CREBBP: variants seen among roughly 807,000 people sequenced by gnomAD.
CREBBP encodes CREB-binding protein.
In CREBBP, 19 loss-of-function variants were observed where a neutral mutation model predicts 265.0. The ratio of observed to expected loss-of-function variants is 0.07; its 90% CI spans 0.05 to 0.11. The LOEUF (loss-of-function observed/expected upper bound fraction) is 0.11. Among genes scored for constraint, CREBBP ranks in the 10% least tolerant of loss-of-function variants. The pLI is 1.00. For missense variants in CREBBP, 2,525 were observed against 3,219.0 expected, an observed-to-expected ratio of 0.78 and a Z score of 5.22; for synonymous variants, 1,457 against 1,223.7, an observed-to-expected ratio of 1.19 and a Z score of -3.98.
At chr16:3,879,023 A>G (rs1458173137) in intron 1 of CREBBP, among the ~76,000 whole-genome samples, 1 of 7,744 alleles carries the variant, frequency 1.3e-4, no homozygotes, top group Non-Finnish European at 3.5e-3. Context: ...TGGAATTCCT[A>G]CATTCCTTAA....
chr16:3,841,028 CT>C (rs1186310488), intron 2 of CREBBP: 3 of 156,516 alleles, frequency 1.9e-5, no homozygotes. Flanking sequence ...TATTCTTGTA[CT>C]TTTTTTTCTT....
At chr16:3,780,386 G>GT (rs2053245642) in intron 8 of CREBBP, among the ~76,000 whole-genome samples, 1 of 152,026 alleles carries the variant, frequency 6.6e-6, no homozygotes, top group Non-Finnish European at 1.5e-5. Context: ...ACAAAATAAG[G>GT]TGAGGCTCTT....
intron 21 of CREBBP, among the ~76,000 whole-genome samples, chr16:3,747,641 G>C (rs1056965391): frequency 6.6e-6 from 1 of 152,166 alleles, no homozygotes; most frequent in African/African-American, 2.4e-5. Context: ...CCTACTACTT[G>C]AATGTAATAT....
At chr16:3,824,707 C>T (rs1421313740) in intron 2 of CREBBP, among the ~76,000 whole-genome samples, 1 of 152,222 alleles carries the variant, frequency 6.6e-6, no homozygotes, top group Non-Finnish European at 1.5e-5. Flanking sequence ...TAGGCTGAAC[C>T]ATACCCGGTC....
In CREBBP at chr16:3,774,653, C is replaced by T. The variant is rs1485559822; in HGVS notation, c.2199G>A (p.Gln733=). The T allele has an allele frequency of 1.9e-6, 3 of 1,614,182 alleles. No individual in the cohort carries two copies. Among genetic ancestry groups the T allele is most frequent in the East Asian group, 2.2e-5 (1 of 44,894 alleles). Reference sequence around the variant, plus strand: ...GAGGTCCCATGGGTGCTTGTGGCAACTGGACGTTCCCCAAGGACATGGGGT... The same window carrying T: ...GAGGTCCCATGGGTGCTTGTGGCAATTGGACGTTCCCCAAGGACATGGGGT... ...SFNPMSLGNV[Q]LPQAPMGPRA... Residue 733 remains glutamine, a synonymous_variant, in exon 12 of 31, where the codon CAG becomes CAA. Transcript: ENST00000262367.
rs193170030 is a variant in CREBBP, at chr16:3,812,235, G to A, written c.799-1456C>T. On this transcript the variant is annotated intron_variant, in intron 2 of 30. Transcript: ENST00000262367. ...ACTCTGTCACCCAGGCTGGAGTGCA[G>A]TGGCGTGATCTCGGCTCACTGAAAC... Among the ~76,000 whole-genome samples, 7 of 152,222 alleles carry A rather than the reference G, an allele frequency of 4.6e-5. No individual in the cohort carries two copies. In the East Asian group the frequency reaches 1.4e-3, roughly 29 times the overall value.
rs2054815027 is a variant in CREBBP at position 3,850,699 on chromosome 16, G to A, written c.396C>T (p.Ser132=). Residue 132 remains serine (S), a synonymous_variant, in exon 2 of 31, where the codon AGC becomes AGT. Coordinates refer to ENST00000262367, the MANE Select transcript of CREBBP (RefSeq NM_004380.3). ...AGGTGCTGGCTGCCTGTTTAGGCAGGCTGGGGGCTGAAGAATCTCCCTGGC... is the reference window on the plus strand; with the variant it reads ...AGGTGCTGGCTGCCTGTTTAGGCAGACTGGGGGCTGAAGAATCTCCCTGGC... ...PLSQGDSSAP[S]LPKQAASTSG... 2 of 1,614,128 alleles carry A rather than the reference G, an allele frequency of 1.2e-6. No homozygotes were observed. The highest frequency in any genetic ancestry group is 1.7e-6 in the Non-Finnish European group (2 of 1,180,040).
Position 3,736,616 on chromosome 16 carries a change from ACAAAAGCCACCACCTTCCTT to A in CREBBP, c.4560+14_4560+33del, listed in dbSNP as rs2052068090. ...CACAAATATCCTCCCCTCAGTTGTG[ACAAAAGCCACCACCTTCCTT>A]CAGCGCCGGGTACCTTGTAGTCATG... On this transcript the variant is annotated intron_variant, in intron 27 of 30. Coordinates refer to ENST00000262367, the MANE Select transcript of CREBBP (RefSeq NM_004380.3). The A allele has an allele frequency of 6.2e-7, 1 of 1,614,080 alleles. No homozygotes were observed. The highest frequency in any genetic ancestry group is 8.5e-7 in the Non-Finnish European group (1 of 1,180,024).
intron 2 of CREBBP, among the ~76,000 whole-genome samples, chr16:3,811,484 A>G (rs774021653): frequency 6.6e-6 from 1 of 151,886 alleles, no homozygotes; most frequent in Non-Finnish European, 1.5e-5. Context: ...TCTTTTCCTT[A>G]TGGTTTTATT....
intron 2 of CREBBP, among the ~76,000 whole-genome samples, chr16:3,838,870 T>A (rs907513953): frequency 6.6e-6 from 1 of 152,134 alleles, no homozygotes; most frequent in Non-Finnish European, 1.5e-5. Flanking sequence ...TACCAAAAAA[T>A]GTTTTCGGAA....
At chr16:3,767,964 C>A (rs1596879218) in intron 15 of CREBBP, 55 bp from the exon 16 acceptor site, 3 of 1,542,498 alleles carry the variant, frequency 1.9e-6, no homozygotes, top group East Asian at 4.5e-5. Context: ...TATGTTACCG[C>A]AACCTCACGG....
At chr16:3,863,651 T>C (rs2055121286) in intron 1 of CREBBP, among the ~76,000 whole-genome samples, 1 of 152,174 alleles carries the variant, frequency 6.6e-6, no homozygotes, top group Admixed American at 6.5e-5. Flanking sequence ...TTCAAAGTTC[T>C]TTGTCACCTG....
intron 3 of CREBBP, among the ~76,000 whole-genome samples, chr16:3,797,339 A>T (rs2053627740): frequency 6.6e-6 from 1 of 152,222 alleles, no homozygotes; most frequent in Non-Finnish European, 1.5e-5. Flanking sequence ...TCTTTACTTA[A>T]GTCCAGAAAC....
intron 23 of CREBBP, chr16:3,740,903 C>G: frequency 2.7e-6 from 1 of 370,078 alleles, no homozygotes; most frequent in South Asian, 2.2e-5. Context: ...CCCTGGAGGG[C>G]AGAGATGGCA....
In CREBBP at chr16:3,810,507, C is replaced by G. The variant is rs1013965423; in HGVS notation, c.975+96G>C. ...TCTCTTCCTATCACCTACTGACACA[C>G]TTTTAGTTATAGACTTTCACTGTGA... On this transcript the variant is annotated intron_variant, in intron 3 of 30. Transcript: ENST00000262367. 2.8e-6 allele frequency: 4 copies of G among 1,440,332 alleles called. No individual in the cohort carries two copies. The African/African-American group carries it at 5.6e-5, about 20-fold the overall frequency. The allele number at this position is 1,440,332 out of a possible 1,614,324, so 89.2% of individuals were successfully genotyped here.
At chr16:3,873,271 AAAT>A (rs748362503) in intron 1 of CREBBP, among the ~76,000 whole-genome samples, 3 of 152,242 alleles carry the variant, frequency 2.0e-5, no homozygotes, top group Non-Finnish European at 4.4e-5. Flanking sequence ...TTAAAAGAAA[AAAT>A]AATTCAGAAC....
chr16:3,859,440 C>T (rs1012977199), intron 1 of CREBBP, among the ~76,000 whole-genome samples: 15 of 152,128 alleles, frequency 9.9e-5, no homozygotes, highest in African/African-American at 2.2e-4. Context: ...GTGATCCATC[C>T]GCCTCGGCCT....
At chr16:3,745,107 A>G (rs899808145) in intron 22 of CREBBP, 146 bp from the exon 23 acceptor site, 130 of 913,154 alleles carry the variant, frequency 1.4e-4, no homozygotes, top group Non-Finnish European at 2.2e-4. Context: ...CTTTGATTCC[A>G]CAATTCCTAA....
intron 2 of CREBBP, among the ~76,000 whole-genome samples, chr16:3,828,423 T>C (rs1334941713): frequency 1.3e-5 from 2 of 152,208 alleles, no homozygotes; most frequent in Admixed American, 1.3e-4. Flanking sequence ...CTTACAAAAA[T>C]TGCTTGGCTG....
Sources: allele counts gnomAD v4.1 joint callset (sites outside exome capture counted in the v4.1 genomes callset), GRCh38; gene constraint gnomAD v4.1.1; transcripts MANE v1.5; gene names NCBI Gene and HGNC (gene_info 2026-07-23, HGNC 2026-07-21).